GRK6: variants seen among roughly 807,000 people sequenced by gnomAD.
GRK6 encodes the protein G protein-coupled receptor kinase 6.
A neutral mutation model predicts 80.8 loss-of-function variants in GRK6; 37 were observed. The observed-to-expected ratio is 0.46, with a 90% CI of 0.35 to 0.60. The LOEUF (loss-of-function observed/expected upper bound fraction) is 0.60. Among genes scored for constraint, GRK6 ranks in the 20% least tolerant of loss-of-function variants. The pLI is 0.00. For missense variants in GRK6, 560 were observed against 784.6 expected (o/e 0.71, Z 3.42); for synonymous variants, 295 against 320.9 (o/e 0.92, Z 0.86).
At chr5:177,438,349 A>G (rs561044559) in intron 13 of GRK6, among the ~76,000 whole-genome samples, 163 of 152,296 alleles carry the variant, frequency 1.1e-3, no homozygotes, top group African/African-American at 3.8e-3. Context: ...CCTGGGCAAC[A>G]AGAGTGAAAC....
In GRK6 at chr5:177,429,999, A is replaced by G. The variant is rs1364367370; in HGVS notation, c.53-873A>G. On this transcript the variant is annotated intron_variant, in intron 1 of 15. Coordinates refer to ENST00000355472, the MANE Select transcript of GRK6 (RefSeq NM_001004106.3). The surrounding 1 kb of genome is among the most constrained non-coding windows in gnomAD (Gnocchi z 4.3). ...ACACACATTTGGCTAGCTCCCTGAC[A>G]CATTTTATTTGGCTGCAGTGAGTTT... 6.7e-6 allele frequency among the ~76,000 whole-genome samples: 1 copy of G among 149,502 alleles called. No individual in the cohort carries two copies. Among genetic ancestry groups the G allele is most frequent in the African/African-American group, 2.5e-5 (1 of 40,698 alleles).
intron 15 of GRK6, 123 bp from the exon 16 acceptor site, chr5:177,441,614 G>A: frequency 1.2e-6 from 1 of 842,942 alleles, no homozygotes; most frequent in African/African-American, 1.7e-5. Flanking sequence ...CCCCTCCCCA[G>A]AGTGCACCCC....
At chr5:177,435,186 AC>A in intron 11 of GRK6, 65 bp downstream of exon 11, 2 of 1,203,732 alleles carry the variant, frequency 1.7e-6, no homozygotes, top group Middle Eastern at 2.9e-4. Context: ...ACCCAGCCAC[AC>A]CCACTTCTGT....
intron 1 of GRK6, 29 bp from the exon 2 acceptor site, chr5:177,430,843 C>T (rs766168547): frequency 5.0e-6 from 8 of 1,603,734 alleles, no homozygotes; most frequent in South Asian, 3.3e-5. Flanking sequence ...CAGTGGGACT[C>T]GAGACCCAGT....
rs975762855 is a variant in GRK6, at chr5:177,429,487, C to G, written c.53-1385C>G. On this transcript the variant is annotated intron_variant, in intron 1 of 15. Transcript: ENST00000355472. This position sits in a 1 kb window ranked among gnomAD's most constrained non-coding sequence, Gnocchi z 4.3. The stretch of plus-strand genomic sequence containing the variant: ...GTTCCCCTTCTGGGAAGGCCTTGCC[C>G]TGGGTTGAGGGGTGGGTGTCTGTTG... Among the ~76,000 whole-genome samples, 1 of 152,030 alleles carries G rather than the reference C, an allele frequency of 6.6e-6. No homozygotes were observed. The highest frequency in any genetic ancestry group is 3.2e-3 in the Middle Eastern group (1 of 316).
intron 9 of GRK6, 45 bp downstream of exon 9, chr5:177,434,149 A>G: frequency 6.8e-7 from 1 of 1,478,156 alleles, no homozygotes; most frequent in African/African-American, 1.4e-5. Flanking sequence ...CTTCCCTGCC[A>G]GCGACTGCAG....
At chr5:177,441,275 G>T in intron 15 of GRK6, 1 of 1,561,660 alleles carries the variant, frequency 6.4e-7, no homozygotes. Flanking sequence ...CCGTGGGTTG[G>T]CCTTGCTGCC....
rs993532802 is a variant in GRK6 at position 177,429,769 on chromosome 5, C to T, written c.53-1103C>T. On this transcript the variant is annotated intron_variant, in intron 1 of 15. Transcript: ENST00000355472. The surrounding 1 kb of genome is among the most constrained non-coding windows in gnomAD (Gnocchi z 4.3). ...ATGAGAAAGTGGTTGTCTAAGGTTG[C>T]CATGGCGTTGTTGGAGTTGGGGTTC... 5.3e-5 allele frequency among the ~76,000 whole-genome samples: 8 copies of T among 152,204 alleles called. No individual in the cohort carries two copies. The highest frequency in any genetic ancestry group is 1.0e-4 in the Non-Finnish European group (7 of 68,042).
chr5:177,430,364 G>A (rs931260203), intron 1 of GRK6, among the ~76,000 whole-genome samples: 1 of 152,214 alleles, frequency 6.6e-6, no homozygotes, highest in African/African-American at 2.4e-5. Context: ...GGGGAGTCCT[G>A]GGTGCCAGCC....
chr5:177,438,887 C>T (rs1214617097), intron 13 of GRK6: 1 of 152,222 alleles, frequency 6.6e-6, no homozygotes, highest in African/African-American at 2.4e-5. Flanking sequence ...GTAGAATTAC[C>T]AGGTCATATG....
chr5:177,436,126 C>G lies in GRK6; in HGVS notation c.1111C>G (p.Leu371Val). 3 of 1,614,108 alleles carry G rather than the reference C, an allele frequency of 1.9e-6. No individual in the cohort carries two copies. The South Asian group carries it at 3.3e-5, about 18-fold the overall frequency. Residue 371 changes from leucine to valine, a missense_variant, in exon 12 of 16, where the codon CTC becomes GTC. Coordinates refer to ENST00000355472, the MANE Select transcript of GRK6 (RefSeq NM_001004106.3). ...CACGTTCAGCCCTGACTGGTGGGCG[C>G]TCGGCTGCCTCCTGTACGAGATGAT... ...RYTFSPDWWA[L>V]GCLLYEMIAG...
At chr5:177,431,672 G>C (rs775719389) in intron 2 of GRK6, 5 of 345,266 alleles carry the variant, frequency 1.4e-5, no homozygotes, top group South Asian at 1.1e-4. Flanking sequence ...GGAACCTCAC[G>C]GACCGCACCC....
chr5:177,435,443 G>C (rs1764099367), intron 11 of GRK6, among the ~76,000 whole-genome samples: 1 of 152,262 alleles, frequency 6.6e-6, no homozygotes, highest in East Asian at 1.9e-4. Context: ...CCATCTGTGA[G>C]GGAGGCCAGT....
Position 177,429,683 on chromosome 5 carries a change from GCCCTCA to G in GRK6, c.53-1185_53-1180del, listed in dbSNP as rs1763808483. 6.6e-6 allele frequency among the ~76,000 whole-genome samples: 1 copy of G among 152,170 alleles called. No homozygotes were observed. The highest frequency in any genetic ancestry group is 2.1e-4 in the South Asian group (1 of 4,826). ...GGCAACTTCTGCCCTTGTACCACCT[GCCCTCA>G]CCCAGGCCAGATGGATACAGGACTA... On this transcript the variant is annotated intron_variant, in intron 1 of 15. Transcript: ENST00000355472. This position sits in a 1 kb window ranked among gnomAD's most constrained non-coding sequence, Gnocchi z 4.3.
intron 13 of GRK6, among the ~76,000 whole-genome samples, chr5:177,439,660 C>T (rs898746276): frequency 6.6e-6 from 1 of 151,946 alleles, no homozygotes; most frequent in Non-Finnish European, 1.5e-5. Context: ...AAACCCATAC[C>T]CTTAGCAGCC....
At chr5:177,431,002 G>T (rs768890277) in intron 2 of GRK6, 35 bp downstream of exon 2, 1 of 1,574,964 alleles carries the variant, frequency 6.3e-7, no homozygotes, top group Non-Finnish European at 8.7e-7. Flanking sequence ...GTGCTGAGGC[G>T]AGGGGCCCTG....
chr5:177,430,737 A>G, intron 1 of GRK6, 135 bp from the exon 2 acceptor site: 2 of 699,416 alleles, frequency 2.9e-6, no homozygotes, highest in South Asian at 1.7e-5. Flanking sequence ...TGGAGCGTGC[A>G]GAGGGAAGGC....
rs941143889 is a variant in GRK6 at position 177,438,260 on chromosome 5, C to T, written c.1404+1730C>T. ...GCGCATGCCTGTAATCCCAGCTACT[C>T]GGCAGACTGAGGCAGGAGAATCGCT... On this transcript the variant is annotated intron_variant, in intron 13 of 15. Transcript: ENST00000355472. Among the ~76,000 whole-genome samples the T allele has an allele frequency of 5.9e-5, 9 of 152,104 alleles. No homozygotes were observed. In the South Asian group the frequency reaches 6.2e-4, roughly 11 times the overall value.
chr5:177,439,253 A>G (rs577616024), intron 13 of GRK6, among the ~76,000 whole-genome samples: 4 of 152,306 alleles, frequency 2.6e-5, no homozygotes, highest in East Asian at 3.9e-4. Context: ...AAAGTGTACA[A>G]TTCGGCTGGG....
Sources: allele counts gnomAD v4.1 joint callset (sites outside exome capture counted in the v4.1 genomes callset), GRCh38; gene constraint gnomAD v4.1.1; non-coding constraint Gnocchi (gnomAD v3.1); transcripts MANE v1.5; gene names NCBI Gene and HGNC (gene_info 2026-07-23, HGNC 2026-07-21).